PRUNE2: variants seen among roughly 807,000 people sequenced by gnomAD.
PRUNE2 encodes prune homolog 2 with BCH domain.
PRUNE2 carries 164 observed loss-of-function variants against 252.0 expected under a neutral mutation model. That is an observed-to-expected ratio of 0.65 (90% CI 0.57 to 0.74). PRUNE2 has a LOEUF of 0.74. Ranked by LOEUF, PRUNE2 falls within the 30% of genes least tolerant of loss-of-function variation. PRUNE2 has a pLI of 0.00. For synonymous variants in PRUNE2, 1,292 were observed against 1,350.2 expected, an observed-to-expected ratio of 0.96 and a Z score of 0.94; for missense variants, 3,495 against 3,711.0, an observed-to-expected ratio of 0.94 and a Z score of 1.51.
In PRUNE2 at chr9:76,828,799, T is replaced by C. The variant is rs149002671; in HGVS notation, c.509-2067A>G. 5.5e-4 allele frequency among the ~76,000 whole-genome samples: 84 copies of C among 152,216 alleles called. 1 individual carries two copies. Among genetic ancestry groups the C allele is most frequent in the African/African-American group, 2.0e-3 (82 of 41,534 alleles). ...GGGAGGCCAAGGCTGGTGGATCACC[T>C]GAGGTCAGGAGTTTAAGACCAGCCT... On this transcript the variant is annotated intron_variant, in intron 4 of 18. Transcript: ENST00000376718.
At chr9:76,890,782 A>C (rs2062424310) in intron 1 of PRUNE2, among the ~76,000 whole-genome samples, 1 of 152,232 alleles carries the variant, frequency 6.6e-6, no homozygotes, top group Admixed American at 6.5e-5. Context: ...AATCATATTA[A>C]GTTTTCAGGG....
intron 15 of PRUNE2, 127 bp downstream of exon 15, chr9:76,636,344 G>T (rs1320915268): frequency 6.3e-6 from 4 of 636,470 alleles, no homozygotes; most frequent in Non-Finnish European, 1.1e-5. Context: ...CACCTTTCTA[G>T]GAAAGACAGA....
intron 6 of PRUNE2, among the ~76,000 whole-genome samples, chr9:76,798,218 T>C (rs1172933975): frequency 3.3e-5 from 5 of 152,250 alleles, no homozygotes. Context: ...TTCACATTGC[T>C]GGGCCACCAA....
intron 4 of PRUNE2, among the ~76,000 whole-genome samples, chr9:76,837,263 G>A (rs938304749): frequency 2.0e-5 from 3 of 152,008 alleles, no homozygotes; most frequent in Non-Finnish European, 4.4e-5. Context: ...CCAACATGGT[G>A]AAACCCCGTC....
At chr9:76,622,135 A>C (rs700804) in intron 17 of PRUNE2, among the ~76,000 whole-genome samples, 140,990 of 152,238 alleles carry the variant, frequency 0.93, 65,443 homozygotes, top group Admixed American at 0.96. Flanking sequence ...AATGAACTGA[A>C]TGTTATGCAA....
chr9:76,678,529 C>T (rs1418723138), intron 9 of PRUNE2, among the ~76,000 whole-genome samples: 1 of 152,092 alleles, frequency 6.6e-6, no homozygotes, highest in African/African-American at 2.4e-5. Flanking sequence ...GATTCTTGGG[C>T]ATTATAAAGA....
intron 6 of PRUNE2, among the ~76,000 whole-genome samples, chr9:76,802,598 A>G (rs1200172653): frequency 6.6e-6 from 1 of 152,304 alleles, no homozygotes; most frequent in South Asian, 2.1e-4. Flanking sequence ...AAATTCATGT[A>G]CCATCTTGGT....
In PRUNE2 at chr9:76,614,513, A is replaced by C; in HGVS notation, c.*57T>G. 7.0e-7 allele frequency: 1 copy of C among 1,426,432 alleles called. No individual in the cohort carries two copies. Among genetic ancestry groups the C allele is most frequent in the Non-Finnish European group, 9.9e-7 (1 of 1,010,076 alleles). The allele number at this position is 1,426,432 out of a possible 1,614,324, so 88.4% of individuals were successfully genotyped here. A position where few individuals can be genotyped will look rare whatever the true frequency, so the allele number is the denominator to read the frequency against. ...CATCAGCCCTGTCTCTTTCAGGTAG[A>C]TATGTTTCAACAGAACCATGAACCA... On this transcript the variant is annotated 3_prime_UTR_variant, in exon 19 of 19. Coordinates refer to ENST00000376718, the MANE Select transcript of PRUNE2 (RefSeq NM_015225.3).
chr9:76,860,682 C>T (rs73653234), intron 1 of PRUNE2, among the ~76,000 whole-genome samples: 7,403 of 152,178 alleles, frequency 0.049, 612 homozygotes, highest in African/African-American at 0.17. Flanking sequence ...AAAAATATTT[C>T]AGACAAAACC....
At position 76,891,983 on chromosome 9, in the gene PRUNE2, C is replaced by G. The variant is rs557034779; in HGVS notation, c.36+13945G>C. Among the ~76,000 whole-genome samples, 245 of 152,248 alleles carry G rather than the reference C, an allele frequency of 1.6e-3. 1 individual carries two copies. Among genetic ancestry groups the G allele is most frequent in the Middle Eastern group, 3.4e-3 (1 of 294 alleles). On this transcript the variant is annotated intron_variant, in intron 1 of 18. Coordinates refer to ENST00000376718, the MANE Select transcript of PRUNE2 (RefSeq NM_015225.3). ...CTCCGAGTGACCACACCGAGCAGAG[C>G]AGCAATAGCTTTACTGTTCCATAAG...
chr9:76,750,052 C>T (rs1251574882), intron 6 of PRUNE2, among the ~76,000 whole-genome samples: 1 of 152,054 alleles, frequency 6.6e-6, no homozygotes, highest in Non-Finnish European at 1.5e-5. Context: ...ATCCATGTGT[C>T]AGGAGGGTGG....
intron 6 of PRUNE2, chr9:76,758,479 C>G (rs2051366363): frequency 6.6e-6 from 1 of 151,258 alleles, no homozygotes. Flanking sequence ...ATCAGGGTGT[C>G]TGGTTGTTAT....
chr9:76,686,852 C>T (rs1166896701), intron 9 of PRUNE2, among the ~76,000 whole-genome samples: 1 of 152,120 alleles, frequency 6.6e-6, no homozygotes. Context: ...CCCATCTTCG[C>T]CTCCTGAGTA....
Position 76,833,536 on chromosome 9 carries a change from T to C in PRUNE2, c.509-6804A>G, listed in dbSNP as rs541756595. 2.4e-4 allele frequency among the ~76,000 whole-genome samples: 36 copies of C among 151,828 alleles called. No individual in the cohort carries two copies. In the East Asian group the frequency reaches 7.1e-3, roughly 30 times the overall value. On this transcript the variant is annotated intron_variant, in intron 4 of 18. Transcript: ENST00000376718. ...ATCCCCGCACTTTGGGAGGCTGAGG[T>C]GGGCGGATCACGAAGTCAGGAGATC...
Position 76,708,104 on chromosome 9 carries a change from G to C in PRUNE2, c.4170C>G (p.Phe1390Leu), listed in dbSNP as rs1431780804. ...CCTCTGGTTCCTCGGTTTGAGGACTGAAAGTGACAGCAAGAGAGCTGATTT... is the reference window on the plus strand; with the variant it reads ...CCTCTGGTTCCTCGGTTTGAGGACTCAAAGTGACAGCAAGAGAGCTGATTT... ...SGKISSLAVT[F>L]SPQTEEPEEV... Residue 1390 changes from phenylalanine (F) to leucine (L), a missense_variant, in exon 8 of 19, where the codon TTC (phenylalanine) becomes TTG (leucine). Phe to Leu is a conservative substitution (Grantham distance 22). Transcript: ENST00000376718. 1 of 1,613,960 alleles carries C rather than the reference G, an allele frequency of 6.2e-7. No individual in the cohort carries two copies. The highest frequency in any genetic ancestry group is 1.7e-5 in the Admixed American group (1 of 60,032).
intron 4 of PRUNE2, among the ~76,000 whole-genome samples, chr9:76,828,348 G>A (rs1265468878): frequency 3.3e-5 from 5 of 152,200 alleles, no homozygotes; most frequent in Admixed American, 6.5e-5. Context: ...CAAGGGAAAT[G>A]TTGAAAAATT....
chr9:76,768,579 A>ATGTG (rs1491333441), intron 6 of PRUNE2, among the ~76,000 whole-genome samples: 3 of 100,510 alleles, frequency 3.0e-5, no homozygotes, highest in African/African-American at 9.6e-5. Context: ...ATATATGTAT[A>ATGTG]TGTATGTGTG....
At position 76,906,078 on chromosome 9, in the gene PRUNE2, T is replaced by G. The variant is rs1335083914; in HGVS notation, c.-115A>C. 1.8e-6 allele frequency: 2 copies of G among 1,090,856 alleles called. No homozygotes were observed. The highest frequency in any genetic ancestry group is 3.7e-5 in the Admixed American group (2 of 54,320). 67.6% of individuals were successfully genotyped at this position (1,090,856 alleles called of 1,614,324 possible). A position where few individuals can be genotyped will look rare whatever the true frequency, so the allele number is the denominator to read the frequency against. ...GGCCCGCCGGGGCGCAGCGACCGAC[T>G]GCTCCCTCCTGCCGCTCTGAGGCGG... is the stretch of plus-strand genomic sequence containing the variant. On this transcript the variant is annotated 5_prime_UTR_variant, in exon 1 of 19. Transcript: ENST00000376718.
At chr9:76,763,109 G>A (rs1033898858) in intron 6 of PRUNE2, among the ~76,000 whole-genome samples, 2 of 152,120 alleles carry the variant, frequency 1.3e-5, no homozygotes, top group Non-Finnish European at 2.9e-5. Context: ...TGTGTCAAAC[G>A]ATGTGAAGAC....
Sources: allele counts gnomAD v4.1 joint callset (sites outside exome capture counted in the v4.1 genomes callset), GRCh38; gene constraint gnomAD v4.1.1; transcripts MANE v1.5; gene names NCBI Gene and HGNC (gene_info 2026-07-23, HGNC 2026-07-21).